RIN2: variants seen among roughly 807,000 people sequenced by gnomAD.
The protein encoded by RIN2 is RAB5 interacting protein 2.
A neutral mutation model predicts 78.0 loss-of-function variants in RIN2; 36 were observed. That is an observed-to-expected ratio of 0.46 (90% CI 0.35 to 0.61). The LOEUF (loss-of-function observed/expected upper bound fraction) is 0.61. RIN2 is among the 20% of genes least tolerant of loss of function. The pLI, the probability that RIN2 is intolerant of heterozygous loss-of-function variation, is 0.00. For synonymous variants in RIN2, 466 were observed against 466.8 expected (o/e 1.00, Z 0.02); for missense variants, 1,087 against 1,159.7 (o/e 0.94, Z 0.91).
At chr20:19,902,831 C>T (rs1211847477) in intron 3 of RIN2, among the ~76,000 whole-genome samples, 4 of 152,182 alleles carry the variant, frequency 2.6e-5, no homozygotes, top group African/African-American at 7.2e-5. Context: ...CGGTGGCTCA[C>T]GCCTGTAATC....
chr20:19,955,308 A>G (rs143244459), intron 4 of RIN2, among the ~76,000 whole-genome samples: 2 of 152,270 alleles, frequency 1.3e-5, no homozygotes, highest in Admixed American at 6.5e-5. Flanking sequence ...ATGGCTGAAT[A>G]ATATTCCATT....
In RIN2 at chr20:20,001,076, C is replaced by A; in HGVS notation, c.*140C>A. ...AGTGACTAAGCCATCCACAGGCCAA[C>A]TCGGCCAAGGGCAACTTTAGCCACG... On this transcript the variant is annotated 3_prime_UTR_variant, in exon 13 of 13. Transcript: ENST00000255006. The A allele has an allele frequency of 5.3e-6, 4 of 760,214 alleles. No individual in the cohort carries two copies. The highest frequency in any genetic ancestry group is 2.1e-5 in the South Asian group (1 of 47,994). 47.1% of individuals were successfully genotyped at this position (760,214 alleles called of 1,614,324 possible).
chr20:19,973,046 G>A (rs1308970918), intron 8 of RIN2, among the ~76,000 whole-genome samples: 5 of 152,012 alleles, frequency 3.3e-5, no homozygotes, highest in African/African-American at 1.2e-4. Flanking sequence ...TATACTTACA[G>A]CATATCTCAA....
intron 2 of RIN2, among the ~76,000 whole-genome samples, chr20:19,812,936 C>T (rs759375491): frequency 5.3e-5 from 8 of 152,228 alleles, no homozygotes; most frequent in Non-Finnish European, 1.2e-4. Flanking sequence ...TACTCAGCTT[C>T]CTCAGCATTG....
chr20:19,977,502 C>T (rs1020302655), intron 9 of RIN2, among the ~76,000 whole-genome samples: 12 of 152,286 alleles, frequency 7.9e-5, no homozygotes, highest in African/African-American at 2.9e-4. Context: ...GGCAGCCTGT[C>T]CAAGCTATTC....
At chr20:19,862,821 C>G (rs528322321) in intron 2 of RIN2, among the ~76,000 whole-genome samples, 1 of 152,290 alleles carries the variant, frequency 6.6e-6, no homozygotes, top group East Asian at 1.9e-4. Context: ...GGAGCACAGT[C>G]CCTAGAACTG....
chr20:19,989,647 T>C (rs2146383929), intron 9 of RIN2, among the ~76,000 whole-genome samples: 1 of 152,324 alleles, frequency 6.6e-6, no homozygotes, highest in Non-Finnish European at 1.5e-5. Flanking sequence ...ACATCTTTGC[T>C]CTCCTGTTAA....
rs2037972841 is a variant in RIN2 at position 19,880,029 on chromosome 20, AC to A, written c.-36-9536del. The stretch of plus-strand genomic sequence containing the variant: ...TTTGGGAGGCCAAGGCGGTCGGATC[AC>A]TTGAGGCCAGGAGTTCAAGACCAGC... On this transcript the variant is annotated intron_variant, in intron 2 of 12. Coordinates refer to ENST00000255006, the MANE Select transcript of RIN2 (RefSeq NM_018993.4). Among the ~76,000 whole-genome samples the A allele has an allele frequency of 2.0e-5, 3 of 152,268 alleles. No individual in the cohort carries two copies. In the South Asian group the frequency reaches 6.2e-4, roughly 32 times the overall value.
intron 8 of RIN2, among the ~76,000 whole-genome samples, chr20:19,972,563 T>C (rs2042141264): frequency 6.6e-6 from 1 of 152,242 alleles, no homozygotes; most frequent in Non-Finnish European, 1.5e-5. Flanking sequence ...TCAGTAAAAG[T>C]ACTGTTCATC....
intron 3 of RIN2, among the ~76,000 whole-genome samples, chr20:19,923,284 C>T (rs1320424777): frequency 6.6e-6 from 1 of 151,804 alleles, no homozygotes; most frequent in South Asian, 2.1e-4. Context: ...GGTGTGGTGG[C>T]GGGCGCCTGT....
intron 2 of RIN2, chr20:19,886,667 G>C: frequency 7.2e-7 from 1 of 1,387,022 alleles, no homozygotes; most frequent in Non-Finnish European, 1.0e-6. Flanking sequence ...ACATCTACTG[G>C]ACATGTTGGA....
At chr20:19,773,321 T>TC (rs1311748337) in intron 1 of RIN2, among the ~76,000 whole-genome samples, 1 of 152,208 alleles carries the variant, frequency 6.6e-6, no homozygotes, top group African/African-American at 2.4e-5. Flanking sequence ...GGGTGAGAAC[T>TC]CCAACATATC....
chr20:19,987,039 T>C (rs564436870), intron 9 of RIN2, among the ~76,000 whole-genome samples: 1 of 152,232 alleles, frequency 6.6e-6, no homozygotes, highest in Non-Finnish European at 1.5e-5. Context: ...CGAAATGCTG[T>C]AGGAGATACT....
intron 2 of RIN2, among the ~76,000 whole-genome samples, chr20:19,881,647 G>A (rs2038029964): frequency 6.6e-6 from 1 of 152,122 alleles, no homozygotes; most frequent in Non-Finnish European, 1.5e-5. Context: ...TGCAATCAGA[G>A]CTCACCACAG....
At chr20:19,976,424 C>T (rs1453666888) in intron 9 of RIN2, among the ~76,000 whole-genome samples, 1 of 152,146 alleles carries the variant, frequency 6.6e-6, no homozygotes, top group East Asian at 1.9e-4. Flanking sequence ...TAAGCAAAAA[C>T]TGAAAAAGAC....
intron 2 of RIN2, among the ~76,000 whole-genome samples, chr20:19,855,958 C>T (rs2037152041): frequency 6.6e-6 from 1 of 152,114 alleles, no homozygotes; most frequent in Non-Finnish European, 1.5e-5. Context: ...CCTGTGATCC[C>T]AGCTACTCGG....
rs2041889199 is a variant in RIN2, at chr20:19,964,939, A to G, written c.464-13A>G. On this transcript the variant is annotated splice_polypyrimidine_tract_variant and intron_variant, in intron 6 of 12. Coordinates refer to ENST00000255006, the MANE Select transcript of RIN2 (RefSeq NM_018993.4). Reference sequence around the variant, plus strand: ...CAGGGAGAATCAGCTGGTTTCTGAAATCTCTTTTCCAGCCTTTTCCCTGGA... The same window carrying G: ...CAGGGAGAATCAGCTGGTTTCTGAAGTCTCTTTTCCAGCCTTTTCCCTGGA... 4 of 1,612,610 alleles carry G rather than the reference A, an allele frequency of 2.5e-6. No homozygotes were observed. Among genetic ancestry groups the G allele is most frequent in the Non-Finnish European group, 3.4e-6 (4 of 1,179,038 alleles).
At chr20:19,979,226 A>G (rs1464698361) in intron 9 of RIN2, among the ~76,000 whole-genome samples, 2 of 152,238 alleles carry the variant, frequency 1.3e-5, no homozygotes, top group Non-Finnish European at 2.9e-5. Context: ...AAATCCAAAC[A>G]TGTTAGTAAT....
intron 2 of RIN2, among the ~76,000 whole-genome samples, chr20:19,815,687 G>A (rs936552901): frequency 1.1e-4 from 16 of 152,160 alleles, no homozygotes; most frequent in African/African-American, 3.9e-4. Context: ...AATCACAGCT[G>A]TATTTTTCAT....
Sources: allele counts gnomAD v4.1 joint callset (sites outside exome capture counted in the v4.1 genomes callset), GRCh38; gene constraint gnomAD v4.1.1; transcripts MANE v1.5; gene names NCBI Gene and HGNC (gene_info 2026-07-23, HGNC 2026-07-21).